The following CDON variants were observed in gnomAD, a reference collection of about 807,000 sequenced individuals.
CDON encodes cell adhesion associated, oncogene regulated.
CDON carries 73 observed loss-of-function variants against 120.9 expected under a neutral mutation model. The ratio of observed to expected loss-of-function variants is 0.60; its 90% CI spans 0.50 to 0.73. The LOEUF (loss-of-function observed/expected upper bound fraction) is 0.73, where lower values mean the gene tolerates loss of function less well. Ranked by LOEUF, CDON falls within the 30% of genes least tolerant of loss-of-function variation. CDON has a pLI of 0.00. For missense variants in CDON, 1,470 were observed against 1,587.3 expected (o/e 0.93, Z 1.26); for synonymous variants, 566 against 573.5 (o/e 0.99, Z 0.19).
intron 16 of CDON, among the ~76,000 whole-genome samples, chr11:125,983,461 C>CT (rs1202014628): frequency 6.6e-6 from 1 of 152,162 alleles, no homozygotes; most frequent in African/African-American, 2.4e-5. Context: ...GTGACTTAGA[C>CT]AAGTTTTCAC....
chr11:125,985,794 A>G (rs1946443205), intron 15 of CDON, among the ~76,000 whole-genome samples: 3 of 151,964 alleles, frequency 2.0e-5, no homozygotes, highest in Non-Finnish European at 2.9e-5. Context: ...TAGAATGGCG[A>G]TCATTAAAAA....
Position 125,960,788 on chromosome 11 carries a change from G to A in CDON, c.*154C>T, listed in dbSNP as rs1945620202. The A allele has an allele frequency of 9.4e-6, 7 of 741,158 alleles. No homozygotes were observed. Among genetic ancestry groups the A allele is most frequent in the Admixed American group, 2.1e-5 (1 of 46,804 alleles). 45.9% of individuals were successfully genotyped at this position (741,158 alleles called of 1,614,324 possible). ...GCATAAATAATATAAAAGGGCACAC[G>A]TTTTAAGATACATTCATATGACATT... On this transcript the variant is annotated 3_prime_UTR_variant, in exon 20 of 20. Coordinates refer to ENST00000531738, the MANE Select transcript of CDON (RefSeq NM_001378964.1).
intron 1 of CDON, among the ~76,000 whole-genome samples, chr11:126,036,551 A>G (rs1380236776): frequency 2.0e-5 from 3 of 152,174 alleles, no homozygotes; most frequent in Non-Finnish European, 4.4e-5. Context: ...AACAGACCCT[A>G]TGTTTATAGA....
At chr11:125,971,031 T>C (rs1425535812) in intron 18 of CDON, among the ~76,000 whole-genome samples, 1 of 152,140 alleles carries the variant, frequency 6.6e-6, no homozygotes, top group African/African-American at 2.4e-5. Flanking sequence ...CTGGACAACT[T>C]GTTGTTTTAA....
chr11:126,043,245 AAAC>A (rs1948313229), intron 1 of CDON, among the ~76,000 whole-genome samples: 1 of 152,136 alleles, frequency 6.6e-6, no homozygotes, highest in South Asian at 2.1e-4. Context: ...TCCTTCCTGC[AAAC>A]AATCAGACCG....
chr11:125,959,301 T>G lies in CDON; in HGVS notation c.*1641A>C, dbSNP rs1565483307. ...TCTGGGAAACTAACATTTCTTCACT[T>G]CTGCTGGAATTGCTTGACTCTATAG... On this transcript the variant is annotated 3_prime_UTR_variant, in exon 20 of 20. Coordinates refer to ENST00000531738, the MANE Select transcript of CDON (RefSeq NM_001378964.1). 1 of 152,236 alleles carries G rather than the reference T, an allele frequency of 6.6e-6. No individual in the cohort carries two copies. Among genetic ancestry groups the G allele is most frequent in the Non-Finnish European group, 1.5e-5 (1 of 68,044 alleles). 9.4% of individuals were successfully genotyped at this position (152,236 alleles called of 1,614,324 possible).
chr11:126,051,012 T>C (rs1054529383), intron 1 of CDON, among the ~76,000 whole-genome samples: 9 of 152,032 alleles, frequency 5.9e-5, no homozygotes, highest in African/African-American at 1.9e-4. Context: ...GCCTACTCGA[T>C]GTAAATTTTT....
intron 1 of CDON, among the ~76,000 whole-genome samples, chr11:126,046,162 G>A (rs1236870946): frequency 1.3e-5 from 2 of 152,072 alleles, no homozygotes; most frequent in Non-Finnish European, 2.9e-5. Context: ...TGGGATGGTA[G>A]GATAAGAATT....
At position 126,040,814 on chromosome 11, in the gene CDON, C is replaced by CAAAAAAAA. The variant is rs71048763; in HGVS notation, c.-61-17285_-61-17278dup. Among the ~76,000 whole-genome samples, 28 of 45,016 alleles carry CAAAAAAAA rather than the reference C, an allele frequency of 6.2e-4. 1 individual carries two copies. Among genetic ancestry groups the CAAAAAAAA allele is most frequent in the African/African-American group, 1.5e-3 (18 of 12,212 alleles). The allele number at this position is 45,016 out of a possible 152,430, so 29.5% of individuals were successfully genotyped here. ...CGGGCAACAGAGAAAGACTCCGTCT[C>CAAAAAAAA]AAAAAAAAAAAAAAAAAAAAAAAAA... On this transcript the variant is annotated intron_variant, in intron 1 of 19. Transcript: ENST00000531738.
At position 125,957,544 on chromosome 11, in the gene CDON, C is replaced by T. The variant is rs1346124316; in HGVS notation, c.*3398G>A. On this transcript the variant is annotated 3_prime_UTR_variant, in exon 20 of 20. Coordinates refer to ENST00000531738, the MANE Select transcript of CDON (RefSeq NM_001378964.1). ...TTTAAAATATGTACAGTTTCACACACAATATTACAACTTTAAGGAAAATAA... is the reference window on the plus strand; with the variant it reads ...TTTAAAATATGTACAGTTTCACACATAATATTACAACTTTAAGGAAAATAA... 6.6e-6 allele frequency: 1 copy of T among 152,130 alleles called. No homozygotes were observed. The highest frequency in any genetic ancestry group is 1.5e-5 in the Non-Finnish European group (1 of 68,020). 9.4% of individuals were successfully genotyped at this position (152,130 alleles called of 1,614,324 possible). A position where few individuals can be genotyped will look rare whatever the true frequency, so the allele number is the denominator to read the frequency against.
At chr11:126,026,606 T>C (rs939848142) in intron 1 of CDON, among the ~76,000 whole-genome samples, 6 of 152,220 alleles carry the variant, frequency 3.9e-5, no homozygotes, top group African/African-American at 1.4e-4. Context: ...AGGTGCAAAC[T>C]CAAGTTTCTC....
intron 3 of CDON, among the ~76,000 whole-genome samples, chr11:126,020,870 C>CA (rs1947613581): frequency 6.6e-6 from 1 of 152,226 alleles, no homozygotes; most frequent in African/African-American, 2.4e-5. Context: ...AAATAACTGT[C>CA]AGAGTAGACA....
At chr11:126,016,837 A>C (rs989137393) in intron 6 of CDON, among the ~76,000 whole-genome samples, 3 of 152,112 alleles carry the variant, frequency 2.0e-5, no homozygotes, top group Non-Finnish European at 2.9e-5. Context: ...TGAAGAAGGG[A>C]GAATAATTTC....
chr11:126,041,563 T>C (rs890754193), intron 1 of CDON, among the ~76,000 whole-genome samples: 2 of 152,210 alleles, frequency 1.3e-5, no homozygotes, highest in African/African-American at 2.4e-5. Flanking sequence ...TAGCAAACTA[T>C]GTTAAAACAA....
Position 126,005,973 on chromosome 11 carries a change from G to A in CDON, c.1637C>T (p.Ser546Leu). The A allele has an allele frequency of 1.9e-6, 3 of 1,614,104 alleles. No individual in the cohort carries two copies. Among genetic ancestry groups the A allele is most frequent in the Non-Finnish European group, 2.5e-6 (3 of 1,179,984 alleles). ...QNDDRSKRDG[S>L]ETGLLSSFPV... The stretch of plus-strand genomic sequence containing the variant: ...AAATGAGCTCAGTAACCCAGTTTCT[G>A]AACCATCTCTCTTACTTCTGTCATC... Residue 546 changes from serine to leucine, a missense_variant, in exon 9 of 20, where the codon TCA (serine) becomes TTA (leucine). Physicochemically the swap from Ser to Leu is moderately radical, Grantham distance 145. Transcript: ENST00000531738.
Position 126,052,474 on chromosome 11 carries a change from C to G in CDON, c.-62+10105G>C, listed in dbSNP as rs766932409. On this transcript the variant is annotated intron_variant, in intron 1 of 19. Transcript: ENST00000531738. ...CACTTGACACTTGGTATCCACAGTTCCTCATCCAGGGATTCAACCAACTAC... is the reference window on the plus strand; with the variant it reads ...CACTTGACACTTGGTATCCACAGTTGCTCATCCAGGGATTCAACCAACTAC... Among the ~76,000 whole-genome samples the G allele has an allele frequency of 3.3e-5, 5 of 152,232 alleles. No homozygotes were observed. The East Asian group carries it at 5.8e-4, about 18-fold the overall frequency.
chr11:125,993,273 G>A (rs551118694), intron 14 of CDON, among the ~76,000 whole-genome samples: 1 of 152,246 alleles, frequency 6.6e-6, no homozygotes, highest in South Asian at 2.1e-4. Flanking sequence ...GGACATAGCA[G>A]TGGGAGAAAA....
chr11:126,021,225 A>G (rs1947625137), intron 3 of CDON, 23 bp downstream of exon 3: 2 of 1,612,708 alleles, frequency 1.2e-6, no homozygotes, highest in African/African-American at 1.3e-5. Flanking sequence ...ACCCATACCT[A>G]ACAGGGACAA....
rs1945575429 is a variant in CDON, at chr11:125,959,324, T to C, written c.*1618A>G. On this transcript the variant is annotated 3_prime_UTR_variant, in exon 20 of 20. Coordinates refer to ENST00000531738, the MANE Select transcript of CDON (RefSeq NM_001378964.1). ...CTTCTGCTGGAATTGCTTGACTCTA[T>C]AGAAAGAGAATAATTTTCTGTTTCT... The C allele has an allele frequency of 6.6e-6, 1 of 152,210 alleles. No homozygotes were observed. Among genetic ancestry groups the C allele is most frequent in the Non-Finnish European group, 1.5e-5 (1 of 68,040 alleles). 9.4% of individuals were successfully genotyped at this position (152,210 alleles called of 1,614,324 possible). A position where few individuals can be genotyped will look rare whatever the true frequency, so the allele number is the denominator to read the frequency against.
Sources: allele counts gnomAD v4.1 joint callset (sites outside exome capture counted in the v4.1 genomes callset), GRCh38; gene constraint gnomAD v4.1.1; transcripts MANE v1.5; gene names NCBI Gene and HGNC (gene_info 2026-07-23, HGNC 2026-07-21).